Variants in LRRTM4 observed in about 807,000 individuals in gnomAD.
LRRTM4 encodes leucine-rich repeat transmembrane neuronal protein 4.
A neutral mutation model predicts 47.6 loss-of-function variants in LRRTM4; 25 were observed. The ratio of observed to expected loss-of-function variants is 0.53; its 90% confidence interval spans 0.38 to 0.73. LRRTM4 has a LOEUF of 0.73. Ranked by LOEUF, LRRTM4 falls within the 30% of genes least tolerant of loss-of-function variation. The pLI, the probability that LRRTM4 is intolerant of heterozygous loss-of-function variation, is 0.00. For synonymous variants in LRRTM4, 311 were observed against 269.5 expected (o/e 1.15, Z -1.51); for missense variants, 638 against 713.4 (o/e 0.89, Z 1.20).
chr2:76,841,871 C>G (rs979581945), intron 3 of LRRTM4, among the ~76,000 whole-genome samples: 1 of 152,044 alleles, frequency 6.6e-6, no homozygotes, highest in African/African-American at 2.4e-5. Flanking sequence ...CATATCAAAT[C>G]TGAAAAAACT....
chr2:77,181,884 C>T (rs1435888686), intron 3 of LRRTM4, among the ~76,000 whole-genome samples: 1 of 152,130 alleles, frequency 6.6e-6, no homozygotes, highest in African/African-American at 2.4e-5. Context: ...CCATCTCATG[C>T]CAGTAGAAAT....
intron 3 of LRRTM4, among the ~76,000 whole-genome samples, chr2:77,310,644 G>A (rs995692499): frequency 6.6e-6 from 1 of 152,054 alleles, no homozygotes; most frequent in African/African-American, 2.4e-5. Context: ...TCCTTCAATC[G>A]AACATGAAAC....
At chr2:76,758,161 T>C (rs1227021559) in intron 3 of LRRTM4, among the ~76,000 whole-genome samples, 1 of 152,204 alleles carries the variant, frequency 6.6e-6, no homozygotes, top group African/African-American at 2.4e-5. Context: ...AGGATGCAAC[T>C]GATTTGCTTG....
At chr2:77,092,314 A>T (rs1055815545) in intron 3 of LRRTM4, among the ~76,000 whole-genome samples, 1 of 151,006 alleles carries the variant, frequency 6.6e-6, no homozygotes, top group African/African-American at 2.4e-5. Flanking sequence ...CATTTCCCCA[A>T]ATTTCCTTCT....
At chr2:76,786,482 A>T (rs988596565) in intron 3 of LRRTM4, among the ~76,000 whole-genome samples, 2 of 152,074 alleles carry the variant, frequency 1.3e-5, no homozygotes, top group African/African-American at 4.8e-5. Flanking sequence ...AACAGTAGTT[A>T]TAATTGAATT....
chr2:76,769,389 G>C (rs113414592), intron 3 of LRRTM4, among the ~76,000 whole-genome samples: 1,961 of 152,180 alleles, frequency 0.013, 39 homozygotes, highest in African/African-American at 0.044. Flanking sequence ...GCCTGCTTTT[G>C]CCTTAGTCTG....
At chr2:76,896,225 C>A (rs2103728717) in intron 3 of LRRTM4, among the ~76,000 whole-genome samples, 1 of 151,984 alleles carries the variant, frequency 6.6e-6, no homozygotes, top group African/African-American at 2.4e-5. Flanking sequence ...CACACACACA[C>A]ACAGACACAC....
chr2:76,805,332 G>GA (rs1448000978), intron 3 of LRRTM4, among the ~76,000 whole-genome samples: 2 of 152,090 alleles, frequency 1.3e-5, no homozygotes, highest in Non-Finnish European at 2.9e-5. Context: ...CACAGCCAGT[G>GA]AAAAGCAAGG....
chr2:76,901,382 C>T (rs1211960010), intron 3 of LRRTM4, among the ~76,000 whole-genome samples: 8 of 152,094 alleles, frequency 5.3e-5, no homozygotes, highest in Non-Finnish European at 1.2e-4. Context: ...TATGTTATCT[C>T]ATTTCTTACT....
At chr2:77,349,843 T>A (rs556871562) in intron 3 of LRRTM4, among the ~76,000 whole-genome samples, 1 of 152,262 alleles carries the variant, frequency 6.6e-6, no homozygotes, top group South Asian at 2.1e-4. Context: ...ATAAATTACT[T>A]AACTAGTGTT....
chr2:76,952,437 A>G (rs1675528046), intron 3 of LRRTM4, among the ~76,000 whole-genome samples: 1 of 151,994 alleles, frequency 6.6e-6, no homozygotes, highest in South Asian at 2.1e-4. Flanking sequence ...AATATGAAAA[A>G]ATGCTCACTG....
intron 3 of LRRTM4, among the ~76,000 whole-genome samples, chr2:76,949,615 G>A (rs1675435015): frequency 6.6e-6 from 1 of 151,892 alleles, no homozygotes; most frequent in Non-Finnish European, 1.5e-5. Context: ...ATGCTCAGTG[G>A]CCACAGGATA....
intron 3 of LRRTM4, among the ~76,000 whole-genome samples, chr2:76,890,673 TAGC>T (rs142446026): frequency 9.9e-4 from 150 of 152,094 alleles, no homozygotes; most frequent in African/African-American, 3.5e-3. Flanking sequence ...TCTAAAATAA[TAGC>T]AGCCAACTAA....
chr2:77,297,397 A>C (rs1677002594), intron 3 of LRRTM4, among the ~76,000 whole-genome samples: 1 of 152,214 alleles, frequency 6.6e-6, no homozygotes, highest in Admixed American at 6.5e-5. Context: ...TTTTATAGTC[A>C]CTATGCTCTA....
At chr2:77,326,413 A>T (rs1484167933) in intron 3 of LRRTM4, among the ~76,000 whole-genome samples, 1 of 152,072 alleles carries the variant, frequency 6.6e-6, no homozygotes, top group Non-Finnish European at 1.5e-5. Flanking sequence ...TTAGTTTTAG[A>T]ATTGGGATCT....
intron 3 of LRRTM4, among the ~76,000 whole-genome samples, chr2:77,049,121 T>TA (rs34095120): frequency 0.19 from 12,232 of 63,902 alleles, 1,136 homozygotes; most frequent in African/African-American, 0.23. Context: ...TATTTCATTT[T>TA]TTATATATAT....
chr2:76,866,541 G>C (rs550674329), intron 3 of LRRTM4, among the ~76,000 whole-genome samples: 1 of 151,546 alleles, frequency 6.6e-6, no homozygotes, highest in Non-Finnish European at 1.5e-5. Flanking sequence ...CCTTACAAAA[G>C]GTAAAACTTT....
At chr2:76,845,419 G>T (rs1358486830) in intron 3 of LRRTM4, among the ~76,000 whole-genome samples, 1 of 152,140 alleles carries the variant, frequency 6.6e-6, no homozygotes. Flanking sequence ...ATGAATCCAG[G>T]AGGCAGAGGT....
At chr2:77,256,109 T>C (rs59506607) in intron 3 of LRRTM4, among the ~76,000 whole-genome samples, 18,987 of 151,894 alleles carry the variant, frequency 0.13, 3,975 homozygotes, top group African/African-American at 0.43. Context: ...ATAGTCTCTG[T>C]AAATATCAGA....
Sources: allele counts gnomAD v4.1 joint callset (sites outside exome capture counted in the v4.1 genomes callset), GRCh38; gene constraint gnomAD v4.1.1; transcripts MANE v1.5; gene names NCBI Gene and HGNC (gene_info 2026-07-23, HGNC 2026-07-21).